MFSD2B: variants seen among roughly 807,000 people sequenced by gnomAD.
MFSD2B encodes MFSD2 lysolipid transporter B, sphingolipid, also known as sphingosine-1-phosphate transporter MFSD2B.
In MFSD2B, 56 loss-of-function variants were observed where a neutral mutation model predicts 58.4. The observed-to-expected ratio is 0.96, with a 90% CI of 0.77 to 1.20. MFSD2B has a LOEUF of 1.20. Ranked by LOEUF, MFSD2B falls within the 50% of genes most tolerant of loss-of-function variation. The probability of loss-of-function intolerance (pLI) is 0.00; values close to 1 mark genes in which losing one functional copy is unlikely to be tolerated. For synonymous variants in MFSD2B, 287 were observed against 294.4 expected, an observed-to-expected ratio of 0.97 and a Z score of 0.26; for missense variants, 645 against 667.6, an observed-to-expected ratio of 0.97 and a Z score of 0.37.
At chr2:24,015,847 A>C (rs970303933) in intron 2 of MFSD2B, among the ~76,000 whole-genome samples, 3 of 152,144 alleles carry the variant, frequency 2.0e-5, no homozygotes, top group African/African-American at 7.2e-5. Flanking sequence ...TGTGAAACAC[A>C]GTGTCCACCT....
intron 2 of MFSD2B, among the ~76,000 whole-genome samples, chr2:24,013,838 C>CTTT (rs758336674): frequency 1.5e-4 from 17 of 110,612 alleles, no homozygotes; most frequent in South Asian, 3.0e-4. Flanking sequence ...CAAGACGATT[C>CTTT]TTTTTTTTTT....
chr2:24,016,753 G>A, intron 3 of MFSD2B, 92 bp from the exon 4 acceptor site: 1 of 1,496,788 alleles, frequency 6.7e-7, no homozygotes, highest in Non-Finnish European at 9.0e-7. Context: ...ATTCTCAAGG[G>A]GCAGAGAAGG....
rs1025660267 is a variant in MFSD2B at position 24,012,721 on chromosome 2, A to G, written c.97-564A>G. The stretch of plus-strand genomic sequence containing the variant: ...AGCGGTGCCATTTGCTAGGAGCTGG[A>G]TTAGACAATGGAATGGCCATCAGGA... On this transcript the variant is annotated intron_variant, in intron 1 of 13. Coordinates refer to ENST00000338315, the MANE Select transcript of MFSD2B (RefSeq NM_001346880.2). This position sits in a 1 kb window ranked among gnomAD's most constrained non-coding sequence, Gnocchi z 4.5. 6.6e-6 allele frequency among the ~76,000 whole-genome samples: 1 copy of G among 152,212 alleles called. No homozygotes were observed. Among genetic ancestry groups the G allele is most frequent in the Non-Finnish European group, 1.5e-5 (1 of 68,026 alleles).
At position 24,023,512 on chromosome 2, in the gene MFSD2B, C is replaced by T. The variant is rs1206109134; in HGVS notation, c.1170-71C>T. ...TCAGGGATGAATCCACTTTGGCCTC[C>T]GTCCCCAGAGAATTCACAGGCTGCT... On this transcript the variant is annotated intron_variant, in intron 11 of 13. Transcript: ENST00000338315. This position sits in a 1 kb window ranked among gnomAD's most constrained non-coding sequence, Gnocchi z 5.0. The T allele has an allele frequency of 3.3e-5, 51 of 1,524,190 alleles. No individual in the cohort carries two copies. Among genetic ancestry groups the T allele is most frequent in the South Asian group, 3.1e-4 (25 of 80,630 alleles). 94.4% of individuals were successfully genotyped at this position (1,524,190 alleles called of 1,614,324 possible).
chr2:24,010,767 G>A (rs994958183), intron 1 of MFSD2B, among the ~76,000 whole-genome samples: 2 of 152,142 alleles, frequency 1.3e-5, no homozygotes, highest in African/African-American at 4.8e-5. Flanking sequence ...TGTGCTGGAC[G>A]GAGCAAGGGG....
chr2:24,014,636 C>T (rs1314127424), intron 2 of MFSD2B, among the ~76,000 whole-genome samples: 2 of 152,096 alleles, frequency 1.3e-5, no homozygotes, highest in African/African-American at 2.4e-5. Context: ...ATAAAATGAT[C>T]CCATTTTAAC....
At chr2:24,015,978 C>T (rs1442657927) in intron 2 of MFSD2B, among the ~76,000 whole-genome samples, 178 bp from the exon 3 acceptor site, 4 of 152,208 alleles carry the variant, frequency 2.6e-5, no homozygotes, top group African/African-American at 9.6e-5. Context: ...CACTCAGCTC[C>T]CTCCCCTGGA....
At chr2:24,019,639 C>T (rs1166559800) in intron 6 of MFSD2B, among the ~76,000 whole-genome samples, 1 of 152,200 alleles carries the variant, frequency 6.6e-6, no homozygotes, top group Non-Finnish European at 1.5e-5. Flanking sequence ...AGGAGAATCA[C>T]TTGAACCCAG....
Position 24,016,825 on chromosome 2 carries a change from C to T in MFSD2B, c.348-20C>T, listed in dbSNP as rs754184097. 11 of 1,611,800 alleles carry T rather than the reference C, an allele frequency of 6.8e-6. No homozygotes were observed. The highest frequency in any genetic ancestry group is 2.2e-5 in the East Asian group (1 of 44,894). On this transcript the variant is annotated intron_variant, in intron 3 of 13. Coordinates refer to ENST00000338315, the MANE Select transcript of MFSD2B (RefSeq NM_001346880.2). ...CTGTCTGGGTCGGGGGGCCGCTCCA[C>T]CTCGGCTGTGCTTCCGCAGGGTGCT...
Position 24,017,480 on chromosome 2 carries a change from A to G in MFSD2B, c.573A>G (p.Gly191=). The G allele has an allele frequency of 6.2e-7, 1 of 1,600,678 alleles. No homozygotes were observed. Among genetic ancestry groups the G allele is most frequent in the Non-Finnish European group, 8.5e-7 (1 of 1,173,750 alleles). ...TAYRMTVEMA[G]TLMGATVHGL... is the part of the protein sequence containing the mutation. ...CAGGGATGACTGTGGAGATGGCGGGAACACTGATGGGGGCCACTGTCCACG... is the reference window on the plus strand; with the variant it reads ...CAGGGATGACTGTGGAGATGGCGGGGACACTGATGGGGGCCACTGTCCACG... Residue 191 remains glycine, a synonymous_variant, in exon 6 of 14, where the codon GGA becomes GGG. Coordinates refer to ENST00000338315, the MANE Select transcript of MFSD2B (RefSeq NM_001346880.2). The surrounding 1 kb of genome is among the most constrained non-coding windows in gnomAD (Gnocchi z 4.8).
At position 24,017,411 on chromosome 2, in the gene MFSD2B, G is replaced by C. The variant is rs558779321; in HGVS notation, c.550+47G>C. On this transcript the variant is annotated intron_variant, in intron 5 of 13. Coordinates refer to ENST00000338315, the MANE Select transcript of MFSD2B (RefSeq NM_001346880.2). The surrounding 1 kb of genome is among the most constrained non-coding windows in gnomAD (Gnocchi z 4.8). Reference sequence around the variant, plus strand: ...GGGTTCCAGGGAGGCAACTGCCCCTGGGACCCCACTCCCTCTCAGTCACCT... The same window carrying C: ...GGGTTCCAGGGAGGCAACTGCCCCTCGGACCCCACTCCCTCTCAGTCACCT... 266 of 1,596,906 alleles carry C rather than the reference G, an allele frequency of 1.7e-4. 1 individual carries two copies. Among genetic ancestry groups the C allele is most frequent in the Non-Finnish European group, 2.0e-4 (231 of 1,172,120 alleles).
chr2:24,022,283 TAA>T lies in MFSD2B; in HGVS notation c.895-149_895-148del. 2 of 721,634 alleles carry T rather than the reference TAA, an allele frequency of 2.8e-6. No individual in the cohort carries two copies. The highest frequency in any genetic ancestry group is 4.9e-6 in the Non-Finnish European group (2 of 411,742). The allele number at this position is 721,634 out of a possible 1,614,324, so 44.7% of individuals were successfully genotyped here. ...GTGGTGTTTGTATCTGTGTTGGGGATAAGTGTCCTTTGTGGGGGAAGGGACTG... is the reference window on the plus strand; with the variant it reads ...GTGGTGTTTGTATCTGTGTTGGGGATGTGTCCTTTGTGGGGGAAGGGACTG... On this transcript the variant is annotated intron_variant, in intron 8 of 13. Transcript: ENST00000338315. This position sits in a 1 kb window ranked among gnomAD's most constrained non-coding sequence, Gnocchi z 4.5.
rs376661104 is a variant in MFSD2B, at chr2:24,022,423, A to C, written c.895-10A>C. 3 of 1,611,046 alleles carry C rather than the reference A, an allele frequency of 1.9e-6. No individual in the cohort carries two copies. The highest frequency in any genetic ancestry group is 2.2e-5 in the South Asian group (2 of 90,284). On this transcript the variant is annotated splice_polypyrimidine_tract_variant and intron_variant, in intron 8 of 13. Transcript: ENST00000338315. The surrounding 1 kb of genome is among the most constrained non-coding windows in gnomAD (Gnocchi z 4.5). Reference sequence around the variant, plus strand: ...CCCTGCACATACCCACTTCCTGTCCATCTCCTCAGGTGGAGCAGAGCTACC... The same window carrying C: ...CCCTGCACATACCCACTTCCTGTCCCTCTCCTCAGGTGGAGCAGAGCTACC...
chr2:24,013,069 T>A (rs557141909), intron 1 of MFSD2B: 16 of 401,722 alleles, frequency 4.0e-5, no homozygotes, highest in African/African-American at 2.2e-4. Flanking sequence ...CCAGAAGAAC[T>A]TCCCCCCTGG....
chr2:24,013,356 A>G lies in MFSD2B; in HGVS notation c.168A>G (p.Ile56Met). 6.2e-7 allele frequency: 1 copy of G among 1,611,818 alleles called. No individual in the cohort carries two copies. The highest frequency in any genetic ancestry group is 8.5e-7 in the Non-Finnish European group (1 of 1,179,146). Residue 56 changes from isoleucine (I) to methionine (M), a missense_variant, in exon 2 of 14, where the codon ATA becomes ATG. Physicochemically the swap from Ile to Met is conservative, Grantham distance 10 (BLOSUM62 1). Transcript: ENST00000338315. ...GCATTGGTGGGGTCCCCAACCAGATAGCCTCCAGCGCCACAGCCTTTTACC... is the reference window on the plus strand; with the variant it reads ...GCATTGGTGGGGTCCCCAACCAGATGGCCTCCAGCGCCACAGCCTTTTACC... ...CYGIGGVPNQ[I>M]ASSATAFYLQ...
chr2:24,016,728 C>A (rs376733486), intron 3 of MFSD2B, 117 bp from the exon 4 acceptor site: 10 of 1,275,540 alleles, frequency 7.8e-6, no homozygotes, highest in African/African-American at 1.5e-5. Flanking sequence ...CCACCCAGGG[C>A]GCCCCAGCCT....
In MFSD2B at chr2:24,011,173, C is replaced by T. The variant is rs377512852; in HGVS notation, c.96+981C>T. 3.9e-4 allele frequency among the ~76,000 whole-genome samples: 59 copies of T among 152,342 alleles called. No homozygotes were observed. The East Asian group carries it at 0.01, about 26-fold the overall frequency. ...GCCCGGAGCCGCCCCTCCCAAGGGG[C>T]TTCTCCTTGTACAGCTCACTGTACA... On this transcript the variant is annotated intron_variant, in intron 1 of 13. Transcript: ENST00000338315.
At chr2:24,013,760 G>GT (rs10581925) in intron 2 of MFSD2B, among the ~76,000 whole-genome samples, 4 of 139,212 alleles carry the variant, frequency 2.9e-5, no homozygotes, top group South Asian at 2.3e-4. Flanking sequence ...GAATTTTTTT[G>GT]TTTTTTTTTT....
Position 24,019,577 on chromosome 2 carries a change from G to A in MFSD2B, c.681+1989G>A, listed in dbSNP as rs534166713. Among the ~76,000 whole-genome samples, 41 of 152,192 alleles carry A rather than the reference G, an allele frequency of 2.7e-4. No homozygotes were observed. In the Middle Eastern group the frequency reaches 0.01, roughly 38 times the overall value. On this transcript the variant is annotated intron_variant, in intron 6 of 13. Coordinates refer to ENST00000338315, the MANE Select transcript of MFSD2B (RefSeq NM_001346880.2). Reference sequence around the variant, plus strand: ...ATCATTACTAAAAATACAAAAATTAGCCGGGCATGGTGGCAGGCACCTGTA... The same window carrying A: ...ATCATTACTAAAAATACAAAAATTAACCGGGCATGGTGGCAGGCACCTGTA...
Sources: allele counts gnomAD v4.1 joint callset (sites outside exome capture counted in the v4.1 genomes callset), GRCh38; gene constraint gnomAD v4.1.1; non-coding constraint Gnocchi (gnomAD v3.1); transcripts MANE v1.5; gene names NCBI Gene and HGNC (gene_info 2026-07-23, HGNC 2026-07-21).